KCNK10: variants seen among roughly 807,000 people sequenced by gnomAD.
KCNK10 encodes potassium channel subfamily K member 10.
In KCNK10, 25 loss-of-function variants were observed where a neutral mutation model predicts 47.7. That is an observed-to-expected ratio of 0.52 (90% CI 0.38 to 0.73). The LOEUF (loss-of-function observed/expected upper bound fraction) is 0.73, where lower values mean the gene tolerates loss of function less well. Among genes scored for constraint, KCNK10 ranks in the 30% least tolerant of loss-of-function variants. The probability of loss-of-function intolerance (pLI) is 0.00; values close to 1 mark genes in which losing one functional copy is unlikely to be tolerated. For missense variants in KCNK10, 563 were observed against 714.5 expected (o/e 0.79, Z 2.42); for synonymous variants, 303 against 285.6 (o/e 1.06, Z -0.61).
intron 3 of KCNK10, among the ~76,000 whole-genome samples, chr14:88,230,435 C>T (rs7147380): frequency 0.3 from 45,265 of 152,076 alleles, 7,508 homozygotes; most frequent in East Asian, 0.47. Flanking sequence ...AAGAGTTCCC[C>T]GTTTTTCAGG....
Position 88,323,150 on chromosome 14 carries a change from C to G in KCNK10, c.-352G>C. 8.8e-7 allele frequency: 1 copy of G among 1,134,022 alleles called. No homozygotes were observed. Among genetic ancestry groups the G allele is most frequent in the Non-Finnish European group, 1.1e-6 (1 of 917,818 alleles). The allele number at this position is 1,134,022 out of a possible 1,614,324, so 70.2% of individuals were successfully genotyped here. On this transcript the variant is annotated 5_prime_UTR_variant, in exon 1 of 7. Coordinates refer to ENST00000319231, the MANE Select transcript of KCNK10 (RefSeq NM_138317.3). Reference sequence around the variant, plus strand: ...AGCGGTGCCGGCAGGTTAGGGGCTGCGCAGCCTGAAGGCTGGGGCTACGGA... The same window carrying G: ...AGCGGTGCCGGCAGGTTAGGGGCTGGGCAGCCTGAAGGCTGGGGCTACGGA...
chr14:88,227,230 A>T (rs1886015406), intron 4 of KCNK10, 145 bp downstream of exon 4: 1 of 617,836 alleles, frequency 1.6e-6, no homozygotes, highest in African/African-American at 1.9e-5. Context: ...TTTGACTTCC[A>T]TTGGCCAAAA....
intron 1 of KCNK10, among the ~76,000 whole-genome samples, chr14:88,272,004 C>A (rs370995): frequency 0.98 from 148,615 of 151,836 alleles, 72,814 homozygotes; most frequent in East Asian, 1. Context: ...TTAGAGGAAG[C>A]AGGGGGAAGG....
chr14:88,223,680 A>G (rs1221846923), intron 4 of KCNK10, among the ~76,000 whole-genome samples: 2 of 152,196 alleles, frequency 1.3e-5, no homozygotes, highest in East Asian at 3.8e-4. Context: ...AGAACTTTGC[A>G]TCCCTCTTGG....
chr14:88,310,792 A>C lies in KCNK10; in HGVS notation c.52+11955T>G, dbSNP rs564128101. Reference sequence around the variant, plus strand: ...CCCCAATGTTACAATACCTCTGGACACACCAGGAACAAAGTGACAGCGGGT... The same window carrying C: ...CCCCAATGTTACAATACCTCTGGACCCACCAGGAACAAAGTGACAGCGGGT... On this transcript the variant is annotated intron_variant, in intron 1 of 6. Transcript: ENST00000319231. 3.9e-5 allele frequency among the ~76,000 whole-genome samples: 6 copies of C among 152,298 alleles called. No homozygotes were observed. In the East Asian group the frequency reaches 1.2e-3, roughly 29 times the overall value.
Position 88,322,991 on chromosome 14 carries a change from T to C in KCNK10, c.-193A>G, listed in dbSNP as rs1888580203. On this transcript the variant is annotated 5_prime_UTR_variant, in exon 1 of 7. Coordinates refer to ENST00000319231, the MANE Select transcript of KCNK10 (RefSeq NM_138317.3). This position sits in a 1 kb window ranked among gnomAD's most constrained non-coding sequence, Gnocchi z 4.8. ...AGCTTGGGGGAGAACTGGAGAGGGCTTGGGTGTTTGCACCGGCCAGGGGGT... is the reference window on the plus strand; with the variant it reads ...AGCTTGGGGGAGAACTGGAGAGGGCCTGGGTGTTTGCACCGGCCAGGGGGT... 7.1e-7 allele frequency: 1 copy of C among 1,416,800 alleles called. No individual in the cohort carries two copies. The highest frequency in any genetic ancestry group is 1.4e-5 in the African/African-American group (1 of 69,306). 87.8% of individuals were successfully genotyped at this position (1,416,800 alleles called of 1,614,324 possible).
Position 88,186,030 on chromosome 14 carries a change from G to A in KCNK10, c.1137C>T (p.Ser379=), listed in dbSNP as rs1884546707. Reference sequence around the variant, plus strand: ...CCAGGCCCAGCCGCCGGCGCTCCATGCTGCGGATGGTGGCCGCCCGCTGCA... The same window carrying A: ...CCAGGCCCAGCCGCCGGCGCTCCATACTGCGGATGGTGGCCGCCCGCTGCA... ...DKLQRAATIR[S]MERRRLGLDQ... The change falls in exon 7 of 7, where the codon AGC becomes AGT. Residue 379 remains serine (S), a synonymous_variant. Coordinates refer to ENST00000319231, the MANE Select transcript of KCNK10 (RefSeq NM_138317.3). This position sits in a 1 kb window ranked among gnomAD's most constrained non-coding sequence, Gnocchi z 5.5. 1.9e-6 allele frequency: 3 copies of A among 1,613,624 alleles called. No individual in the cohort carries two copies. The East Asian group carries it at 6.7e-5, about 36-fold the overall frequency.
chr14:88,299,560 A>C (rs1215776639), intron 1 of KCNK10, among the ~76,000 whole-genome samples: 1 of 152,232 alleles, frequency 6.6e-6, no homozygotes, highest in Non-Finnish European at 1.5e-5. Context: ...GTATTCCCAA[A>C]AGTGTAGCAC....
chr14:88,293,821 A>T (rs1360791548), intron 1 of KCNK10, among the ~76,000 whole-genome samples: 1 of 151,794 alleles, frequency 6.6e-6, no homozygotes, highest in Non-Finnish European at 1.5e-5. Flanking sequence ...GACTATAGGC[A>T]TGCACCACCA....
At chr14:88,308,204 C>T (rs1042770597) in intron 1 of KCNK10, among the ~76,000 whole-genome samples, 1 of 152,160 alleles carries the variant, frequency 6.6e-6, no homozygotes, top group Admixed American at 6.5e-5. Context: ...AGTGCAGAAA[C>T]CTCTGATAGA....
intron 2 of KCNK10, among the ~76,000 whole-genome samples, chr14:88,249,108 A>G (rs1266005020): frequency 6.6e-6 from 1 of 152,024 alleles, no homozygotes; most frequent in Non-Finnish European, 1.5e-5. Flanking sequence ...TCTTCCAACT[A>G]AAAAAAAGGA....
At chr14:88,323,608 GA>G (rs1888600717), upstream of KCNK10, 1 of 151,366 alleles carries the variant, frequency 6.6e-6, no homozygotes, top group African/African-American at 2.4e-5. Context: ...GGAAGCCGCG[GA>G]GGGGCGGGGA....
intron 6 of KCNK10, among the ~76,000 whole-genome samples, chr14:88,187,705 T>C (rs1034461389): frequency 6.6e-6 from 1 of 152,062 alleles, no homozygotes; most frequent in African/African-American, 2.4e-5. Context: ...AGCTGTTGTT[T>C]ACTAGTTTTT....
At chr14:88,265,739 G>T (rs930124635) in intron 1 of KCNK10, among the ~76,000 whole-genome samples, 9 of 152,246 alleles carry the variant, frequency 5.9e-5, no homozygotes, top group African/African-American at 2.2e-4. Flanking sequence ...TTGAAGCATG[G>T]GGGCAGGTTT....
chr14:88,287,308 G>A (rs7150286), intron 1 of KCNK10, among the ~76,000 whole-genome samples: 40,567 of 152,056 alleles, frequency 0.27, 5,520 homozygotes, highest in African/African-American at 0.31. Context: ...CAATTAGATT[G>A]CCACAAGTTC....
Position 88,260,193 on chromosome 14 carries a change from T to C in KCNK10, c.402+3009A>G, listed in dbSNP as rs533495066. 6.6e-6 allele frequency among the ~76,000 whole-genome samples: 1 copy of C among 152,346 alleles called. No homozygotes were observed. Among genetic ancestry groups the C allele is most frequent in the Non-Finnish European group, 1.5e-5 (1 of 68,030 alleles). ...CCTGATCTCAGGTCATCCACCCACC[T>C]TGGCCTCCCAAAGTGCTGGGATTAC... On this transcript the variant is annotated intron_variant, in intron 2 of 6. Coordinates refer to ENST00000319231, the MANE Select transcript of KCNK10 (RefSeq NM_138317.3). This position sits in a 1 kb window ranked among gnomAD's most constrained non-coding sequence, Gnocchi z 4.5.
At chr14:88,234,125 C>G (rs182268080) in intron 3 of KCNK10, among the ~76,000 whole-genome samples, 1 of 152,294 alleles carries the variant, frequency 6.6e-6, no homozygotes, top group East Asian at 1.9e-4. Context: ...GTTCAGGTTG[C>G]TAACACTTTT....
chr14:88,270,944 G>A, intron 1 of KCNK10: 3 of 702,592 alleles, frequency 4.3e-6, no homozygotes. Flanking sequence ...CCTGGCGCCT[G>A]CCTATCTCAC....
chr14:88,188,980 G>A (rs577674464), intron 5 of KCNK10, among the ~76,000 whole-genome samples: 7 of 152,302 alleles, frequency 4.6e-5, no homozygotes, highest in African/African-American at 1.7e-4. Context: ...GGAAATAACG[G>A]ACATCAGCCT....
Sources: allele counts gnomAD v4.1 joint callset (sites outside exome capture counted in the v4.1 genomes callset), GRCh38; gene constraint gnomAD v4.1.1; non-coding constraint Gnocchi (gnomAD v3.1); transcripts MANE v1.5; gene names NCBI Gene and HGNC (gene_info 2026-07-23, HGNC 2026-07-21).